Variants in PLOD2 observed in about 807,000 individuals in gnomAD.
PLOD2 encodes the protein procollagen-lysine,2-oxoglutarate 5-dioxygenase 2.
In PLOD2, 65 loss-of-function variants were observed where a neutral mutation model predicts 101.0. That is an observed-to-expected ratio of 0.64 (90% confidence interval 0.53 to 0.79). PLOD2 has a LOEUF of 0.79. Among genes scored for constraint, PLOD2 ranks in the 30% least tolerant of loss-of-function variants. PLOD2 has a pLI of 0.00. For missense variants in PLOD2, 909 were observed against 914.6 expected (o/e 0.99, Z 0.08); for synonymous variants, 314 against 302.9 (o/e 1.04, Z -0.38).
chr3:146,100,862 T>C (rs1937363782), intron 7 of PLOD2, among the ~76,000 whole-genome samples: 1 of 152,008 alleles, frequency 6.6e-6, no homozygotes, highest in African/African-American at 2.4e-5. Flanking sequence ...TATAGGTGAG[T>C]AGAGTGACAG....
intron 2 of PLOD2, 105 bp from the exon 3 acceptor site, chr3:146,121,353 A>T: frequency 1.1e-6 from 1 of 891,608 alleles, no homozygotes; most frequent in East Asian, 2.5e-5. Context: ...TACCGTAACC[A>T]CTCTTCTAAT....
At chr3:146,128,062 A>C (rs1310664495) in intron 1 of PLOD2, among the ~76,000 whole-genome samples, 1 of 152,192 alleles carries the variant, frequency 6.6e-6, no homozygotes, top group Non-Finnish European at 1.5e-5. Context: ...TATGCAATGT[A>C]AATCTTTTAG....
chr3:146,151,779 T>C (rs916743935), intron 1 of PLOD2, among the ~76,000 whole-genome samples: 5 of 141,712 alleles, frequency 3.5e-5, no homozygotes, highest in African/African-American at 1.4e-4. Flanking sequence ...GTGTGGTTTT[T>C]GTTTGTTCAT....
intron 10 of PLOD2, 145 bp from the exon 11 acceptor site, chr3:146,085,418 G>GAT (rs746210409): frequency 7.8e-6 from 5 of 644,268 alleles, no homozygotes; most frequent in South Asian, 5.7e-5. Flanking sequence ...TATCTGAAAC[G>GAT]ATATATATAT....
At chr3:146,120,734 A>AT (rs1307357623) in intron 3 of PLOD2, among the ~76,000 whole-genome samples, 6 of 151,890 alleles carry the variant, frequency 4.0e-5, no homozygotes, top group African/African-American at 7.2e-5. Flanking sequence ...CTTGTCAATA[A>AT]TTTTTTTTTG....
chr3:146,132,906 C>T (rs1035059406), intron 1 of PLOD2, among the ~76,000 whole-genome samples: 2 of 152,100 alleles, frequency 1.3e-5, no homozygotes, highest in African/African-American at 4.8e-5. Flanking sequence ...TGGCTGGATC[C>T]GGTAGCTCAT....
intron 1 of PLOD2, among the ~76,000 whole-genome samples, chr3:146,129,879 A>G (rs1429772387): frequency 6.6e-6 from 1 of 152,220 alleles, no homozygotes; most frequent in Non-Finnish European, 1.5e-5. Context: ...TCAAGTTATA[A>G]TCAGCACTAG....
intron 12 of PLOD2, among the ~76,000 whole-genome samples, chr3:146,080,275 A>C (rs1302181004): frequency 6.6e-6 from 1 of 151,866 alleles, no homozygotes; most frequent in Non-Finnish European, 1.5e-5. Flanking sequence ...AGTTTAATTT[A>C]TACATAAAGT....
intron 1 of PLOD2, among the ~76,000 whole-genome samples, chr3:146,140,293 CTACA>C (rs1576624330): frequency 1.3e-5 from 2 of 152,142 alleles, no homozygotes; most frequent in East Asian, 3.9e-4. Context: ...CAAGATGCCT[CTACA>C]TTACAGAGAC....
At chr3:146,093,419 A>G (rs553381484) in intron 7 of PLOD2, among the ~76,000 whole-genome samples, 8 of 152,324 alleles carry the variant, frequency 5.3e-5, no homozygotes, top group South Asian at 4.1e-4. Flanking sequence ...TTCAAGAGTC[A>G]ATGTGGTCAT....
At chr3:146,151,882 A>G (rs2032073350) in intron 1 of PLOD2, among the ~76,000 whole-genome samples, 1 of 152,202 alleles carries the variant, frequency 6.6e-6, no homozygotes, top group East Asian at 1.9e-4. Context: ...TAAAATATTA[A>G]TTACCAAAAT....
At chr3:146,082,704 AACATG>A (rs1936603532) in intron 11 of PLOD2, among the ~76,000 whole-genome samples, 1 of 152,112 alleles carries the variant, frequency 6.6e-6, no homozygotes, top group Non-Finnish European at 1.5e-5. Flanking sequence ...CAGCCTGACC[AACATG>A]GTGAAATCCC....
rs1474477381 is a variant in PLOD2, at chr3:146,096,883, G to T, written c.778-4982C>A. Among the ~76,000 whole-genome samples, 12 of 48,038 alleles carry T rather than the reference G, an allele frequency of 2.5e-4. No homozygotes were observed. The East Asian group carries it at 8.1e-3, about 32-fold the overall frequency. The allele number at this position is 48,038 out of a possible 152,430, so 31.5% of individuals were successfully genotyped here. The stretch of plus-strand genomic sequence containing the variant: ...GCTGCCCCGTCCGGGAGGGAGGTGG[G>T]GGGGGGGAGTCGGCCAGCCGCCCCG... On this transcript the variant is annotated intron_variant, in intron 7 of 19. Coordinates refer to ENST00000282903, the MANE Select transcript of PLOD2 (RefSeq NM_182943.3).
Position 146,079,134 on chromosome 3 carries a change from G to A in PLOD2, c.1482C>T (p.Cys494=), listed in dbSNP as rs1936442889. Reference sequence around the variant, plus strand: ...ATCTTACCATTTCTCTAGCATTTCGGCAAAGAGCCATATCAGGATCCAGTT... The same window carrying A: ...ATCTTACCATTTCTCTAGCATTTCGACAAAGAGCCATATCAGGATCCAGTT... ...RDKLDPDMAL[C]RNAREMTLQR... The change falls in exon 13 of 20, where the codon TGC becomes TGT. Residue 494 remains cysteine, a synonymous_variant. Coordinates refer to ENST00000282903, the MANE Select transcript of PLOD2 (RefSeq NM_182943.3). The A allele has an allele frequency of 6.2e-7, 1 of 1,612,620 alleles. No individual in the cohort carries two copies. Among genetic ancestry groups the A allele is most frequent in the Non-Finnish European group, 8.5e-7 (1 of 1,178,892 alleles).
chr3:146,071,906 C>T (rs1402101186), intron 17 of PLOD2, among the ~76,000 whole-genome samples: 4 of 151,646 alleles, frequency 2.6e-5, no homozygotes, highest in Non-Finnish European at 4.4e-5. Flanking sequence ...TATTTCATCA[C>T]CCACTAACTT....
At position 146,073,194 on chromosome 3, in the gene PLOD2, C is replaced by T. The variant is rs2107994816; in HGVS notation, c.1743+93G>A. ...AATTTTACCTAAAAGGTAGTTTCTC[C>T]ACTTTCACATCTTCTGTGAAAGTAG... is the stretch of plus-strand genomic sequence containing the variant. On this transcript the variant is annotated intron_variant, in intron 16 of 19. Coordinates refer to ENST00000282903, the MANE Select transcript of PLOD2 (RefSeq NM_182943.3). 7 of 573,128 alleles carry T rather than the reference C, an allele frequency of 1.2e-5. No individual in the cohort carries two copies. The South Asian group carries it at 1.4e-4, about 11-fold the overall frequency. The allele number at this position is 573,128 out of a possible 1,614,324, so 35.5% of individuals were successfully genotyped here.
chr3:146,106,088 T>C (rs1486730778), intron 5 of PLOD2, among the ~76,000 whole-genome samples: 1 of 152,216 alleles, frequency 6.6e-6, no homozygotes, highest in Non-Finnish European at 1.5e-5. Flanking sequence ...TCTTTAAATC[T>C]CCAAGCTCAG....
intron 7 of PLOD2, among the ~76,000 whole-genome samples, chr3:146,093,313 T>C (rs1015842481): frequency 1.3e-5 from 2 of 152,182 alleles, no homozygotes; most frequent in Admixed American, 1.3e-4. Context: ...TTAGAAGACA[T>C]GGACAAGTAA....
intron 3 of PLOD2, among the ~76,000 whole-genome samples, chr3:146,119,678 T>TGA (rs1437515490): frequency 6.6e-6 from 1 of 151,534 alleles, no homozygotes. Flanking sequence ...CACCTATGAG[T>TGA]GAGAATATGC....
Sources: allele counts gnomAD v4.1 joint callset (sites outside exome capture counted in the v4.1 genomes callset), GRCh38; gene constraint gnomAD v4.1.1; transcripts MANE v1.5; gene names NCBI Gene and HGNC (gene_info 2026-07-23, HGNC 2026-07-21).